ATG10: variants seen among roughly 807,000 people sequenced by gnomAD.
ATG10 encodes autophagy related 10, also known as ubiquitin-like-conjugating enzyme ATG10.
Under a neutral mutation model 32.1 loss-of-function variants are expected in ATG10, and 30 were observed. That is an observed-to-expected ratio of 0.94 (90% CI 0.70 to 1.27). The LOEUF (loss-of-function observed/expected upper bound fraction) is 1.27, where lower values mean the gene tolerates loss of function less well. Among genes scored for constraint, ATG10 ranks in the 50% most tolerant of loss-of-function variants. The pLI is 0.00. For missense variants in ATG10, 233 were observed against 262.3 expected (o/e 0.89, Z 0.77); for synonymous variants, 87 against 91.5 (o/e 0.95, Z 0.28).
intron 3 of ATG10, among the ~76,000 whole-genome samples, chr5:82,118,691 T>C (rs1445599307): frequency 6.6e-6 from 1 of 152,000 alleles, no homozygotes; most frequent in Non-Finnish European, 1.5e-5. Flanking sequence ...ACAGTGATCT[T>C]GTTTGGAGAT....
intron 5 of ATG10, among the ~76,000 whole-genome samples, chr5:82,210,745 A>G (rs1745461787): frequency 6.6e-6 from 1 of 152,126 alleles, no homozygotes; most frequent in Non-Finnish European, 1.5e-5. Flanking sequence ...GCAGTGGGAA[A>G]TGATAATACC....
At chr5:82,208,583 A>G (rs1166689135) in intron 5 of ATG10, among the ~76,000 whole-genome samples, 1 of 152,168 alleles carries the variant, frequency 6.6e-6, no homozygotes, top group African/African-American at 2.4e-5. Context: ...GGAAGTGGAT[A>G]TGGGTATTCT....
intron 3 of ATG10, among the ~76,000 whole-genome samples, chr5:82,067,167 T>A (rs1301214354): frequency 1.3e-5 from 2 of 152,100 alleles, no homozygotes; most frequent in Admixed American, 6.6e-5. Flanking sequence ...TATTAAAGGG[T>A]TCAAAGACAA....
chr5:82,049,466 G>A (rs962466394), intron 2 of ATG10, among the ~76,000 whole-genome samples: 3 of 151,614 alleles, frequency 2.0e-5, no homozygotes, highest in African/African-American at 7.3e-5. Flanking sequence ...CGAGTTAGTG[G>A]GTGCAGCGCA....
chr5:81,972,504 C>T (rs1253998277), intron 1 of ATG10, 198 bp downstream of exon 1: 2 of 152,138 alleles, frequency 1.3e-5, no homozygotes, highest in African/African-American at 2.4e-5. Context: ...CGGGGAAGGG[C>T]GAGGACACTC....
intron 2 of ATG10, among the ~76,000 whole-genome samples, chr5:82,035,450 T>C (rs928617101): frequency 2.0e-5 from 3 of 152,134 alleles, no homozygotes; most frequent in Admixed American, 6.5e-5. Context: ...TTGGAGAGCA[T>C]TTCCCTCCAA....
chr5:82,056,630 T>G (rs1305568756), intron 2 of ATG10, among the ~76,000 whole-genome samples: 1 of 152,164 alleles, frequency 6.6e-6, no homozygotes, highest in Admixed American at 6.5e-5. Context: ...GGAGCTGTAA[T>G]CATTTGTCCT....
intron 3 of ATG10, among the ~76,000 whole-genome samples, chr5:82,065,820 C>A (rs1433935887): frequency 1.3e-5 from 2 of 151,886 alleles, no homozygotes; most frequent in African/African-American, 4.8e-5. Flanking sequence ...TTCAATTAGA[C>A]AATTTTTGAC....
chr5:82,010,163 A>G (rs1265494627), intron 2 of ATG10: 12 of 1,286,618 alleles, frequency 9.3e-6, no homozygotes, highest in Non-Finnish European at 1.2e-5. Flanking sequence ...CTTGTCCTCA[A>G]GGTCTTGGAG....
At chr5:82,095,181 A>G (rs1765013324) in intron 3 of ATG10, among the ~76,000 whole-genome samples, 1 of 152,180 alleles carries the variant, frequency 6.6e-6, no homozygotes, top group South Asian at 2.1e-4. Context: ...TAAAATGGAG[A>G]TAAAACCTGT....
intron 5 of ATG10, among the ~76,000 whole-genome samples, chr5:82,223,592 A>G (rs1005272880): frequency 6.6e-6 from 1 of 152,234 alleles, no homozygotes; most frequent in African/African-American, 2.4e-5. Flanking sequence ...TATGAGAGAC[A>G]GCATTGTTCA....
At chr5:81,999,484 A>G (rs1450274909) in intron 2 of ATG10, among the ~76,000 whole-genome samples, 1 of 152,184 alleles carries the variant, frequency 6.6e-6, no homozygotes, top group African/African-American at 2.4e-5. Flanking sequence ...TAGAGAAACA[A>G]GAGAAGACCA....
chr5:82,159,362 G>C (rs1743206339), intron 3 of ATG10, among the ~76,000 whole-genome samples: 1 of 152,074 alleles, frequency 6.6e-6, no homozygotes, highest in South Asian at 2.1e-4. Context: ...TGGGTAATTG[G>C]AAACTGTAGA....
At chr5:81,975,349 A>G (rs1397869537) in intron 1 of ATG10, among the ~76,000 whole-genome samples, 4 of 152,192 alleles carry the variant, frequency 2.6e-5, no homozygotes, top group African/African-American at 7.2e-5. Flanking sequence ...GTTACAAACT[A>G]TTGAAGGCAA....
At chr5:82,170,671 C>T (rs1207068290) in intron 4 of ATG10, among the ~76,000 whole-genome samples, 3 of 152,020 alleles carry the variant, frequency 2.0e-5, no homozygotes, top group Admixed American at 6.5e-5. Flanking sequence ...GTTGGCAGGG[C>T]GCGGTGGCTC....
intron 3 of ATG10, among the ~76,000 whole-genome samples, chr5:82,117,703 C>A (rs1236718680): frequency 6.6e-6 from 1 of 152,066 alleles, no homozygotes; most frequent in Non-Finnish European, 1.5e-5. Flanking sequence ...TGTCTTCAAG[C>A]CAATTTTATT....
intron 3 of ATG10, among the ~76,000 whole-genome samples, chr5:82,161,135 T>G (rs1743322380): frequency 6.6e-6 from 1 of 152,124 alleles, no homozygotes; most frequent in Non-Finnish European, 1.5e-5. Context: ...ATGGGCATCA[T>G]AAAGGTGACC....
At chr5:82,225,169 T>C (rs1433447998) in intron 5 of ATG10, among the ~76,000 whole-genome samples, 1 of 152,168 alleles carries the variant, frequency 6.6e-6, no homozygotes, top group Non-Finnish European at 1.5e-5. Context: ...ATTTTATGGG[T>C]ATTTCAGAAA....
At chr5:82,139,230 A>G (rs1320800204) in intron 3 of ATG10, among the ~76,000 whole-genome samples, 3 of 146,218 alleles carry the variant, frequency 2.1e-5, no homozygotes, top group South Asian at 2.2e-4. Context: ...GGCCTCCCAA[A>G]GTGCCGAGAT....
Sources: allele counts gnomAD v4.1 joint callset (sites outside exome capture counted in the v4.1 genomes callset), GRCh38; gene constraint gnomAD v4.1.1; transcripts MANE v1.5; gene names NCBI Gene and HGNC (gene_info 2026-07-23, HGNC 2026-07-21).